Variants in ADAM18 observed in about 807,000 individuals in gnomAD.
ADAM18 encodes the protein ADAM metallopeptidase domain 18, also known as disintegrin and metalloproteinase domain-containing protein 18.
In ADAM18, 117 loss-of-function variants were observed where a neutral mutation model predicts 94.4. The ratio of observed to expected loss-of-function variants is 1.24; its 90% CI spans 1.07 to 1.45. The LOEUF (loss-of-function observed/expected upper bound fraction) is 1.45, where lower values mean the gene tolerates loss of function less well. Among genes scored for constraint, ADAM18 ranks in the 40% most tolerant of loss-of-function variants. The pLI, the probability that ADAM18 is intolerant of heterozygous loss-of-function variation, is 0.00. For missense variants in ADAM18, 936 were observed against 880.0 expected (o/e 1.06, Z -0.81); for synonymous variants, 327 against 291.6 (o/e 1.12, Z -1.24).
At chr8:39,648,630 T>C (rs967165035) in intron 12 of ADAM18, 103 bp downstream of exon 12, 1 of 1,042,856 alleles carries the variant, frequency 9.6e-7, no homozygotes, top group Admixed American at 3.3e-5. Flanking sequence ...AACAATGCCA[T>C]TAATTTATAA....
chr8:39,594,188 A>C (rs1428968812), intron 2 of ADAM18, among the ~76,000 whole-genome samples: 1 of 152,144 alleles, frequency 6.6e-6, no homozygotes, highest in Non-Finnish European at 1.5e-5. Flanking sequence ...GTAACTTTTC[A>C]CAGCCTACTG....
intron 18 of ADAM18, among the ~76,000 whole-genome samples, chr8:39,711,837 G>A (rs1221610073): frequency 6.6e-6 from 1 of 151,506 alleles, no homozygotes; most frequent in Non-Finnish European, 1.5e-5. Flanking sequence ...GAAAGAGAGA[G>A]AAGGACTATT....
intron 7 of ADAM18, among the ~76,000 whole-genome samples, chr8:39,632,254 G>A (rs1434202807): frequency 6.6e-6 from 1 of 151,620 alleles, no homozygotes; most frequent in African/African-American, 2.4e-5. Context: ...GCTTGACTCT[G>A]CAGTACAATG....
At chr8:39,594,852 G>C (rs896216536) in intron 2 of ADAM18, among the ~76,000 whole-genome samples, 1 of 105,322 alleles carries the variant, frequency 9.5e-6, no homozygotes, top group Non-Finnish European at 1.8e-5. Flanking sequence ...ATAGTTTCTA[G>C]CTTCTTAAAT....
intron 1 of ADAM18, among the ~76,000 whole-genome samples, chr8:39,584,908 C>CA (rs1045516583): frequency 3.9e-5 from 6 of 152,160 alleles, no homozygotes; most frequent in African/African-American, 1.4e-4. Flanking sequence ...CAGTGGCCCA[C>CA]ACGCAGTGCG....
chr8:39,618,466 T>G (rs1483627389), intron 6 of ADAM18, among the ~76,000 whole-genome samples: 1 of 152,150 alleles, frequency 6.6e-6, no homozygotes, highest in Non-Finnish European at 1.5e-5. Flanking sequence ...TACAATATAG[T>G]GTGTGCATCA....
chr8:39,591,281 C>T (rs1187177623), intron 2 of ADAM18, among the ~76,000 whole-genome samples: 1 of 152,114 alleles, frequency 6.6e-6, no homozygotes, highest in African/African-American at 2.4e-5. Context: ...GTTGACTCTT[C>T]CTTTCATGAA....
At chr8:39,681,774 GA>G (rs1184932494) in intron 16 of ADAM18, among the ~76,000 whole-genome samples, 1 of 152,112 alleles carries the variant, frequency 6.6e-6, no homozygotes, top group Non-Finnish European at 1.5e-5. Context: ...AAAACTGGAG[GA>G]AGTAAGGTTC....
At chr8:39,590,242 A>C (rs1436039843) in intron 2 of ADAM18, among the ~76,000 whole-genome samples, 1 of 152,100 alleles carries the variant, frequency 6.6e-6, no homozygotes, top group Non-Finnish European at 1.5e-5. Context: ...ACACCATGGA[A>C]TACTATGCAG....
At chr8:39,645,617 T>C (rs1820356926) in intron 11 of ADAM18, 143 bp downstream of exon 11, 1 of 773,096 alleles carries the variant, frequency 1.3e-6, no homozygotes, top group East Asian at 2.7e-5. Context: ...ACACAAAAAT[T>C]ATGTATACTT....
intron 18 of ADAM18, among the ~76,000 whole-genome samples, chr8:39,716,052 T>C (rs532455957): frequency 6.6e-6 from 1 of 152,128 alleles, no homozygotes; most frequent in Non-Finnish European, 1.5e-5. Flanking sequence ...TTTATGTCTC[T>C]CCTTTCATTC....
intron 19 of ADAM18, among the ~76,000 whole-genome samples, chr8:39,729,069 G>A (rs183112929): frequency 1.0e-3 from 158 of 152,184 alleles, no homozygotes; most frequent in African/African-American, 3.7e-3. Context: ...ATCCTAATGG[G>A]TGTGAGGAGA....
intron 12 of ADAM18, among the ~76,000 whole-genome samples, chr8:39,648,877 A>G (rs938301643): frequency 6.6e-6 from 1 of 152,154 alleles, no homozygotes; most frequent in Non-Finnish European, 1.5e-5. Flanking sequence ...AATGTGATCC[A>G]AATTTTTCCC....
At chr8:39,677,672 A>G (rs1039064174) in intron 15 of ADAM18, 136 bp downstream of exon 15, 6 of 624,010 alleles carry the variant, frequency 9.6e-6, no homozygotes, top group African/African-American at 5.7e-5. Context: ...TATTTTTTCT[A>G]TGAAATTCAG....
chr8:39,585,166 T>C (rs1818361818), intron 1 of ADAM18, 110 bp from the exon 2 acceptor site: 1 of 722,594 alleles, frequency 1.4e-6, no homozygotes, highest in Non-Finnish European at 2.4e-6. Flanking sequence ...AGAGAACTTC[T>C]ACTTAAAATT....
chr8:39,618,351 G>C (rs1001324968), intron 6 of ADAM18, among the ~76,000 whole-genome samples: 2 of 152,126 alleles, frequency 1.3e-5, no homozygotes, highest in Admixed American at 6.5e-5. Flanking sequence ...GGTTAGTGAG[G>C]GATTTAGGGT....
At chr8:39,626,383 A>G (rs1585912626) in intron 6 of ADAM18, among the ~76,000 whole-genome samples, 1 of 151,734 alleles carries the variant, frequency 6.6e-6, no homozygotes, top group African/African-American at 2.4e-5. Context: ...TCATTTTAAT[A>G]TTTTTGTTTC....
At chr8:39,722,768 T>A (rs1018818107) in intron 18 of ADAM18, among the ~76,000 whole-genome samples, 1 of 151,634 alleles carries the variant, frequency 6.6e-6, no homozygotes, top group African/African-American at 2.4e-5. Context: ...AGATTCATGC[T>A]CTTAGAGGCA....
chr8:39,604,385 T>C (rs1819002522), intron 2 of ADAM18, among the ~76,000 whole-genome samples: 1 of 152,170 alleles, frequency 6.6e-6, no homozygotes, highest in Non-Finnish European at 1.5e-5. Context: ...AATATACTTA[T>C]ATTAAGGTCC....
Sources: allele counts gnomAD v4.1 joint callset (sites outside exome capture counted in the v4.1 genomes callset), GRCh38; gene constraint gnomAD v4.1.1; transcripts MANE v1.5; gene names NCBI Gene and HGNC (gene_info 2026-07-23, HGNC 2026-07-21).